Variants in CNTNAP2 observed in about 807,000 individuals in gnomAD.
CNTNAP2 encodes the protein contactin associated protein 2, also known as contactin-associated protein-like 2.
In CNTNAP2, 98 loss-of-function variants were observed where a neutral mutation model predicts 155.2. The ratio of observed to expected loss-of-function variants is 0.63; its 90% CI spans 0.54 to 0.75. CNTNAP2 has a LOEUF of 0.75. Among genes scored for constraint, CNTNAP2 ranks in the 30% least tolerant of loss-of-function variants. CNTNAP2 has a pLI of 0.00. For missense variants in CNTNAP2, 1,727 were observed against 1,688.1 expected, an observed-to-expected ratio of 1.02 and a Z score of -0.40; for synonymous variants, 651 against 631.2, an observed-to-expected ratio of 1.03 and a Z score of -0.47.
intron 1 of CNTNAP2, among the ~76,000 whole-genome samples, chr7:146,145,994 A>T (rs2116765668): frequency 6.6e-6 from 1 of 152,322 alleles, no homozygotes; most frequent in African/African-American, 2.4e-5. Context: ...AAATAGAAAT[A>T]CAATAAAAAT....
intron 9 of CNTNAP2, among the ~76,000 whole-genome samples, chr7:147,361,910 G>A (rs1796153395): frequency 6.6e-6 from 1 of 152,126 alleles, no homozygotes; most frequent in South Asian, 2.1e-4. Flanking sequence ...ATGGCTAAGG[G>A]GGTAACTCAA....
intron 9 of CNTNAP2, among the ~76,000 whole-genome samples, chr7:147,394,194 T>C (rs1264552540): frequency 6.6e-6 from 1 of 151,942 alleles, no homozygotes; most frequent in Non-Finnish European, 1.5e-5. Context: ...CACTTCTCCT[T>C]GCTGCTGCCC....
chr7:146,310,721 A>G (rs933298600), intron 1 of CNTNAP2, among the ~76,000 whole-genome samples: 2 of 152,236 alleles, frequency 1.3e-5, no homozygotes, highest in Middle Eastern at 3.4e-3. Context: ...TTGTAGTCAG[A>G]TAGCAGTGAT....
At chr7:146,664,157 C>CTTT (rs35241151) in intron 1 of CNTNAP2, among the ~76,000 whole-genome samples, 32 of 68,448 alleles carry the variant, frequency 4.7e-4, no homozygotes, top group African/African-American at 1.1e-3. Context: ...CAATAAATTC[C>CTTT]TTTTTTTTTT....
At chr7:146,683,488 A>G (rs913834529) in intron 1 of CNTNAP2, among the ~76,000 whole-genome samples, 2 of 152,246 alleles carry the variant, frequency 1.3e-5, no homozygotes, top group African/African-American at 4.8e-5. Flanking sequence ...TCAGAAGACC[A>G]GATGAACTCA....
chr7:146,483,654 A>G (rs1797012844), intron 1 of CNTNAP2, among the ~76,000 whole-genome samples: 1 of 151,740 alleles, frequency 6.6e-6, no homozygotes, highest in Non-Finnish European at 1.5e-5. Context: ...TTAACCAGGT[A>G]AATGTATGTC....
chr7:148,058,270 G>T (rs141632336), intron 15 of CNTNAP2, among the ~76,000 whole-genome samples: 298 of 152,206 alleles, frequency 2.0e-3, no homozygotes, highest in Middle Eastern at 6.8e-3. Flanking sequence ...TCAAAGCTCA[G>T]ACTCTCCCAG....
At chr7:146,215,486 C>G (rs976778430) in intron 1 of CNTNAP2, among the ~76,000 whole-genome samples, 1 of 152,108 alleles carries the variant, frequency 6.6e-6, no homozygotes, top group South Asian at 2.1e-4. Flanking sequence ...GTGATTGAAC[C>G]TCATCACTAG....
At chr7:148,262,648 G>T (rs12531866) in intron 20 of CNTNAP2, among the ~76,000 whole-genome samples, 3,195 of 152,110 alleles carry the variant, frequency 0.021, 46 homozygotes, top group African/African-American at 0.04. Context: ...TAAAGACCCT[G>T]GTGGGGACCT....
At chr7:146,401,031 A>C (rs1584907793) in intron 1 of CNTNAP2, among the ~76,000 whole-genome samples, 1 of 152,318 alleles carries the variant, frequency 6.6e-6, no homozygotes. Context: ...AGCAAACCAG[A>C]AAGTCTTCCA....
intron 20 of CNTNAP2, among the ~76,000 whole-genome samples, chr7:148,264,793 C>G (rs924750763): frequency 6.6e-6 from 1 of 152,096 alleles, no homozygotes; most frequent in African/African-American, 2.4e-5. Flanking sequence ...CTCCCAGGTT[C>G]AAGCCATTCC....
At chr7:147,246,656 C>T (rs1258306161) in intron 8 of CNTNAP2, among the ~76,000 whole-genome samples, 2 of 152,150 alleles carry the variant, frequency 1.3e-5, no homozygotes, top group African/African-American at 2.4e-5. Context: ...ACTAGGCTTC[C>T]ACATATGAAT....
chr7:147,608,889 T>G (rs1584852123), intron 12 of CNTNAP2, among the ~76,000 whole-genome samples: 2 of 151,906 alleles, frequency 1.3e-5, no homozygotes, highest in Middle Eastern at 6.8e-3. Flanking sequence ...AGGGGGTTGT[T>G]CTCTGGCAGG....
chr7:146,210,784 G>C (rs59569954), intron 1 of CNTNAP2, among the ~76,000 whole-genome samples: 1 of 151,756 alleles, frequency 6.6e-6, no homozygotes, highest in Non-Finnish European at 1.5e-5. Flanking sequence ...AGGGGGCCAA[G>C]TTCTCTGTTG....
intron 12 of CNTNAP2, among the ~76,000 whole-genome samples, chr7:147,580,325 C>T (rs1800474888): frequency 6.6e-6 from 1 of 152,248 alleles, no homozygotes; most frequent in Non-Finnish European, 1.5e-5. Context: ...TTCTGTCTCT[C>T]ACCTTACCAA....
intron 3 of CNTNAP2, among the ~76,000 whole-genome samples, chr7:146,937,475 C>G (rs903796869): frequency 6.6e-6 from 1 of 151,938 alleles, no homozygotes; most frequent in African/African-American, 2.4e-5. Flanking sequence ...GAGTTAACTC[C>G]AGGATTTCTT....
At chr7:146,923,612 T>C (rs1026714026) in intron 3 of CNTNAP2, among the ~76,000 whole-genome samples, 1 of 151,850 alleles carries the variant, frequency 6.6e-6, no homozygotes, top group Non-Finnish European at 1.5e-5. Flanking sequence ...TCTCACTCTT[T>C]AGTGGCTGTT....
At chr7:146,932,495 A>G (rs1384328767) in intron 3 of CNTNAP2, among the ~76,000 whole-genome samples, 1 of 152,172 alleles carries the variant, frequency 6.6e-6, no homozygotes. Flanking sequence ...GAATGGGCAG[A>G]AACTGGAAGC....
At chr7:147,514,728 C>G (rs1405480608) in intron 11 of CNTNAP2, among the ~76,000 whole-genome samples, 1 of 152,036 alleles carries the variant, frequency 6.6e-6, no homozygotes, top group Non-Finnish European at 1.5e-5. Flanking sequence ...GCCATCCTAC[C>G]CATTGCTGAG....
Sources: allele counts gnomAD v4.1 joint callset (sites outside exome capture counted in the v4.1 genomes callset), GRCh38; gene constraint gnomAD v4.1.1; transcripts MANE v1.5; gene names NCBI Gene and HGNC (gene_info 2026-07-23, HGNC 2026-07-21).